Variants in CCT2 observed in about 807,000 individuals in gnomAD.
The protein encoded by CCT2 is T-complex protein 1 subunit beta.
CCT2 carries 18 observed loss-of-function variants against 61.8 expected under a neutral mutation model. The observed-to-expected ratio is 0.29, with a 90% CI of 0.20 to 0.43. The LOEUF (loss-of-function observed/expected upper bound fraction) is 0.43. Among genes scored for constraint, CCT2 ranks in the 20% least tolerant of loss-of-function variants. CCT2 has a pLI of 1.00. For missense variants in CCT2, 556 were observed against 656.9 expected (o/e 0.85, Z 1.68); for synonymous variants, 248 against 215.9 (o/e 1.15, Z -1.30).
At position 69,597,618 on chromosome 12, in the gene CCT2, A is replaced by G. The variant is rs758831906; in HGVS notation, c.1103-20A>G. On this transcript the variant is annotated intron_variant, in intron 11 of 15. Transcript: ENST00000299300. ...GCAAACTTTTTATCCCTAAGTGGTC[A>G]CTGTGTCTTTTAATTTTAGGTGAGG... is the stretch of plus-strand genomic sequence containing the variant. The G allele has an allele frequency of 3.7e-6, 6 of 1,609,060 alleles. No homozygotes were observed. The Admixed American group carries it at 5.1e-5, about 14-fold the overall frequency.
intron 10 of CCT2, among the ~76,000 whole-genome samples, chr12:69,596,173 G>A (rs1451976703): frequency 6.6e-6 from 1 of 152,178 alleles, no homozygotes; most frequent in South Asian, 2.1e-4. Context: ...TATCTGTTGT[G>A]TCTCACATCT....
intron 10 of CCT2, among the ~76,000 whole-genome samples, chr12:69,595,882 T>C (rs1267567013): frequency 2.0e-5 from 3 of 152,130 alleles, no homozygotes; most frequent in Admixed American, 2.0e-4. Context: ...CAAAGGTGTA[T>C]GATGACATTG....
At chr12:69,587,360 T>C in intron 3 of CCT2, 145 bp from the exon 4 acceptor site, 2 of 558,654 alleles carry the variant, frequency 3.6e-6, no homozygotes, top group Non-Finnish European at 3.1e-6. Context: ...ACGTGGTGTA[T>C]GTATTGAAAA....
chr12:69,599,167 G>A (rs971684779), intron 14 of CCT2, among the ~76,000 whole-genome samples: 3 of 151,564 alleles, frequency 2.0e-5, no homozygotes, highest in African/African-American at 7.3e-5. Flanking sequence ...ATTCACTGCA[G>A]CCTTGAACCC....
intron 11 of CCT2, 30 bp from the exon 12 acceptor site, chr12:69,597,608 C>T (rs754097830): frequency 1.2e-6 from 2 of 1,606,294 alleles, no homozygotes; most frequent in Admixed American, 1.7e-5. Flanking sequence ...CTTTTTATCC[C>T]TAAGTGGTCA....
At position 69,601,502 on chromosome 12, in the gene CCT2, A is replaced by T; in HGVS notation, c.*177A>T. ...TAATTTATTTGCCGTGTCATTTTCC[A>T]TACAAATCAGTTGATTTAAAAAAGT... On this transcript the variant is annotated 3_prime_UTR_variant, in exon 16 of 16. Coordinates refer to ENST00000299300, the MANE Select transcript of CCT2 (RefSeq NM_006431.3). 6.9e-7 allele frequency: 1 copy of T among 1,459,134 alleles called. No individual in the cohort carries two copies. Among genetic ancestry groups the T allele is most frequent in the Non-Finnish European group, 9.0e-7 (1 of 1,106,806 alleles). 90.4% of individuals were successfully genotyped at this position (1,459,134 alleles called of 1,614,324 possible). A position where few individuals can be genotyped will look rare whatever the true frequency, so the allele number is the denominator to read the frequency against.
Position 69,587,938 on chromosome 12 carries a change from A to G in CCT2, c.265A>G (p.Arg89Gly), listed in dbSNP as rs371158821. ...CTAATTTCTTTTTCTAGATATGTCA[A>G]GGGTTCAAGATGATGAAGTTGGTGA... ...PAAKVLVDMSRVQDDEVGDGT... is the reference protein window; with the variant it reads ...PAAKVLVDMSGVQDDEVGDGT... Residue 89 changes from arginine to glycine, a missense_variant, in exon 5 of 16, where the codon AGG becomes GGG. Physicochemically the swap from Arg to Gly is moderately radical, Grantham distance 125. This residue lies in a region of CCT2 where 308 missense variants were observed against 350.6 expected (regional missense o/e 0.88). Coordinates refer to ENST00000299300, the MANE Select transcript of CCT2 (RefSeq NM_006431.3). 113 of 1,611,944 alleles carry G rather than the reference A, an allele frequency of 7.0e-5. No homozygotes were observed. Among genetic ancestry groups the G allele is most frequent in the Admixed American group, 3.0e-4 (18 of 60,012 alleles).
chr12:69,597,945 T>C (rs1192540083), intron 12 of CCT2, 23 bp from the exon 13 acceptor site: 1 of 1,586,748 alleles, frequency 6.3e-7, no homozygotes, highest in East Asian at 2.2e-5. Flanking sequence ...ATTGCAATAT[T>C]TTATTGGAAT....
At chr12:69,599,459 C>T (rs1882086651) in intron 14 of CCT2, among the ~76,000 whole-genome samples, 1 of 152,078 alleles carries the variant, frequency 6.6e-6, no homozygotes, top group South Asian at 2.1e-4. Flanking sequence ...ATGATCTCAG[C>T]TCACTGCCAC....
chr12:69,592,360 G>A (rs1188474116), intron 8 of CCT2: 2 of 306,262 alleles, frequency 6.5e-6, no homozygotes, highest in Non-Finnish European at 1.2e-5. Context: ...GCGCATGCCT[G>A]TAATCCCAGC....
At chr12:69,594,460 A>G (rs1813185757) in intron 10 of CCT2, among the ~76,000 whole-genome samples, 1 of 152,250 alleles carries the variant, frequency 6.6e-6, no homozygotes, top group African/African-American at 2.4e-5. Context: ...AATGAAAATT[A>G]GTATACCTCA....
intron 3 of CCT2, 150 bp downstream of exon 3, chr12:69,586,968 C>G: frequency 1.9e-6 from 1 of 520,912 alleles, no homozygotes; most frequent in Non-Finnish European, 3.3e-6. Context: ...TCAGAGTCCC[C>G]AGAATCACCA....
Position 69,586,801 on chromosome 12 carries a change from T to C in CCT2, c.127T>C (p.Leu43=). 3.8e-6 allele frequency: 6 copies of C among 1,595,074 alleles called. No individual in the cohort carries two copies. Among genetic ancestry groups the C allele is most frequent in the Non-Finnish European group, 5.1e-6 (6 of 1,172,472 alleles). Residue 43 remains leucine (L), a synonymous_variant, in exon 3 of 16, where the codon TTG becomes CTG. Coordinates refer to ENST00000299300, the MANE Select transcript of CCT2 (RefSeq NM_006431.3). Reference sequence around the variant, plus strand: ...CATTGGAGACTTGGTAAAGAGCACCTTGGGACCCAAAGGCATGGTAAGAAA... The same window carrying C: ...CATTGGAGACTTGGTAAAGAGCACCCTGGGACCCAAAGGCATGGTAAGAAA... The part of the protein sequence containing the change: ...IAIGDLVKST[L]GPKGMDKILL...
At chr12:69,589,282 C>CTTTTTTTTTTTTTTTTTTTTTT in intron 6 of CCT2, 1 of 540,964 alleles carries the variant, frequency 1.8e-6, no homozygotes. Context: ...CCCCACCCCT[C>CTTTTTTTTTTTTTTTTTTTTTT]TTTTTTTTTT....
At chr12:69,600,357 A>G (rs1044616467) in intron 15 of CCT2, among the ~76,000 whole-genome samples, 1 of 152,234 alleles carries the variant, frequency 6.6e-6, no homozygotes, top group African/African-American at 2.4e-5. Context: ...AAGGTCATAT[A>G]GCCACACCTA....
intron 6 of CCT2, chr12:69,588,476 A>C: frequency 2.0e-6 from 1 of 503,228 alleles, no homozygotes; most frequent in Non-Finnish European, 3.5e-6. Context: ...AAAATATACA[A>C]ATAAAGCAAA....
In CCT2 at chr12:69,601,307, T is replaced by C; in HGVS notation, c.1590T>C (p.Pro530=). The C allele has an allele frequency of 6.2e-7, 1 of 1,602,880 alleles. No individual in the cohort carries two copies. The highest frequency in any genetic ancestry group is 8.5e-7 in the Non-Finnish European group (1 of 1,177,226). Residue 530 remains proline (P), a synonymous_variant, in exon 16 of 16, where the codon CCT becomes CCC. Transcript: ENST00000299300. ...CTTACTCTCATAGGAAACGTGTCCC[T>C]GATCACCACCCCTGTTAAGCATTCC... ...IIKAAPRKRV[P]DHHPC
intron 14 of CCT2, among the ~76,000 whole-genome samples, chr12:69,599,468 A>G (rs1389168649): frequency 6.6e-6 from 1 of 152,000 alleles, no homozygotes; most frequent in Non-Finnish European, 1.5e-5. Context: ...GCTCACTGCC[A>G]CCTCTGCCTC....
intron 2 of CCT2, 62 bp from the exon 3 acceptor site, chr12:69,586,687 TAAAG>T (rs1404396849): frequency 3.5e-6 from 4 of 1,144,160 alleles, no homozygotes; most frequent in Non-Finnish European, 5.0e-6. Flanking sequence ...AAAAAGTAAA[TAAAG>T]ATAAAACTGT....
Sources: allele counts gnomAD v4.1 joint callset (sites outside exome capture counted in the v4.1 genomes callset), GRCh38; gene constraint gnomAD v4.1.1; regional missense constraint gnomAD v4.1.1; transcripts MANE v1.5; gene names NCBI Gene and HGNC (gene_info 2026-07-23, HGNC 2026-07-21).